TMEM230: variants seen among roughly 807,000 people sequenced by gnomAD.
TMEM230 encodes transmembrane protein 230.
TMEM230 carries 10 observed loss-of-function variants against 15.8 expected under a neutral mutation model. The ratio of observed to expected loss-of-function variants is 0.63; its 90% CI spans 0.39 to 1.07. The LOEUF is 1.07. TMEM230 is among the 50% of genes least tolerant of loss of function. The probability of loss-of-function intolerance (pLI) is 0.01; values close to 1 mark genes in which losing one functional copy is unlikely to be tolerated. For synonymous variants in TMEM230, 67 were observed against 76.9 expected (o/e 0.87, Z 0.68); for missense variants, 165 against 193.3 (o/e 0.85, Z 0.87).
the TMEM230 span, chr20:5,060,894 A>C: frequency 6.6e-6 from 1 of 152,130 alleles, no homozygotes; most frequent in African/African-American, 2.4e-5. Flanking sequence ...CTTCAGTTTT[A>C]CTGATAATAC....
chr20:5,098,210 G>A (rs1314553681), downstream of TMEM230, among the ~76,000 whole-genome samples: 2 of 151,360 alleles, frequency 1.3e-5, no homozygotes, highest in Non-Finnish European at 2.9e-5. Context: ...CCCAAACTCA[G>A]GTGATCCGCC....
chr20:5,069,662 C>A (rs1261917353), intron 3 of TMEM230, among the ~76,000 whole-genome samples: 1 of 152,062 alleles, frequency 6.6e-6, no homozygotes, highest in Non-Finnish European at 1.5e-5. Context: ...CCTTTCCTCT[C>A]CCCTTTCCTT....
intron 4 of TMEM230, among the ~76,000 whole-genome samples, chr20:5,103,073 T>C (rs1181304921): frequency 6.6e-6 from 1 of 152,170 alleles, no homozygotes; most frequent in Non-Finnish European, 1.5e-5. Context: ...TTTGATAAAA[T>C]TCTACATCCA....
At chr20:5,102,901 T>C (rs185991379) in intron 4 of TMEM230, among the ~76,000 whole-genome samples, 8 of 152,212 alleles carry the variant, frequency 5.3e-5, no homozygotes, top group African/African-American at 1.9e-4. Flanking sequence ...GCAAACTGAA[T>C]TCAACAATAC....
downstream of TMEM230, chr20:5,066,124 G>C (rs1365671459): frequency 6.6e-6 from 1 of 152,292 alleles, no homozygotes; most frequent in African/African-American, 2.4e-5. Context: ...GTCAAGGCCA[G>C]TAAACCACGT....
intron 3 of TMEM230, among the ~76,000 whole-genome samples, chr20:5,078,254 C>G (rs1600287148): frequency 1.3e-5 from 2 of 152,144 alleles, no homozygotes; most frequent in Non-Finnish European, 2.9e-5. Context: ...AGTTTTTAAT[C>G]AGTTTTTAAA....
At chr20:5,097,314 C>T (rs1044946733), downstream of TMEM230, among the ~76,000 whole-genome samples, 11 of 152,122 alleles carry the variant, frequency 7.2e-5, no homozygotes, top group African/African-American at 2.2e-4. Context: ...AGAGTGGCAA[C>T]GGATCTGAAA....
rs573824586 is a variant in TMEM230 at position 5,086,122 on chromosome 20, C to T, written c.223-16773G>A. On this transcript the variant is annotated intron_variant, in intron 3 of 3. Transcript: ENST00000612323. ...AAGGGTTTTAATATGCAGCTGGGTG[C>T]GGTGGCTCGTGCCTGTAATCCCAGC... Among the ~76,000 whole-genome samples, 75 of 151,592 alleles carry T rather than the reference C, an allele frequency of 4.9e-4. No homozygotes were observed. The Middle Eastern group carries it at 0.01, about 21-fold the overall frequency.
At chr20:5,094,061 C>A (rs536394255) in intron 3 of TMEM230, among the ~76,000 whole-genome samples, 2 of 151,184 alleles carry the variant, frequency 1.3e-5, no homozygotes, top group African/African-American at 4.9e-5. Flanking sequence ...CGGGTTCAAG[C>A]GATTCTCCTG....
the TMEM230 span, chr20:5,061,450 C>A: frequency 6.6e-6 from 1 of 152,282 alleles, no homozygotes; most frequent in Non-Finnish European, 1.5e-5. Flanking sequence ...TGAGTCACAT[C>A]CTGCATTCTC....
intron 2 of TMEM230, 38 bp from the exon 2 acceptor site, chr20:5,109,483 G>A (rs750496752): frequency 1.4e-6 from 2 of 1,462,156 alleles, no homozygotes; most frequent in East Asian, 2.3e-5. Flanking sequence ...ATTGTCTGTA[G>A]ATGACAATGG....
chr20:5,080,185 GCT>G (rs373223776), intron 3 of TMEM230, among the ~76,000 whole-genome samples: 1 of 152,228 alleles, frequency 6.6e-6, no homozygotes, highest in East Asian at 1.9e-4. Context: ...CTGCTGCTAA[GCT>G]CTCTTATTAG....
chr20:5,093,693 T>C (rs1251859772), intron 3 of TMEM230, among the ~76,000 whole-genome samples: 6 of 151,956 alleles, frequency 3.9e-5, no homozygotes, highest in Admixed American at 6.6e-5. Context: ...TACACCACCA[T>C]GCCTGGCTGA....
At chr20:5,105,219 GAGTTTGCAGTGAGCTGA>G (rs1177421559) in intron 4 of TMEM230, among the ~76,000 whole-genome samples, 1 of 152,178 alleles carries the variant, frequency 6.6e-6, no homozygotes, top group East Asian at 1.9e-4. Flanking sequence ...CCACGAGCCG[GAGTTTGCAGTGAGCTGA>G]GATCCTGCCA....
chr20:5,102,964 G>A lies in TMEM230; in HGVS notation c.412-2033C>T, dbSNP rs2089931314. Among the ~76,000 whole-genome samples the A allele has an allele frequency of 2.0e-5, 3 of 152,310 alleles. No homozygotes were observed. In the South Asian group the frequency reaches 6.2e-4, roughly 32 times the overall value. ...GTGGGATTTATCCCAGAGAGGCAAG[G>A]ATGGTTCAACTTATACAAACCAATC... On this transcript the variant is annotated intron_variant, in intron 4 of 4. Transcript: ENST00000342308.
downstream of TMEM230, among the ~76,000 whole-genome samples, chr20:5,099,172 T>C (rs557510013): frequency 3.6e-4 from 54 of 151,630 alleles, 1 homozygote; most frequent in Non-Finnish European, 7.4e-4. Flanking sequence ...GCCTGGGCAG[T>C]AGAGCAAGAC....
chr20:5,102,289 A>G (rs1186403959), intron 4 of TMEM230, among the ~76,000 whole-genome samples: 1 of 152,252 alleles, frequency 6.6e-6, no homozygotes, highest in Non-Finnish European at 1.5e-5. Flanking sequence ...AAAAAAATCT[A>G]AAACCTGAAT....
intron 3 of TMEM230, among the ~76,000 whole-genome samples, chr20:5,088,050 T>C (rs1297063790): frequency 6.9e-6 from 1 of 144,826 alleles, no homozygotes; most frequent in Non-Finnish European, 1.5e-5. Flanking sequence ...GGCTCACGCC[T>C]GTAATCCCAG....
At chr20:5,089,382 A>G (rs990284452) in intron 3 of TMEM230, among the ~76,000 whole-genome samples, 1 of 150,794 alleles carries the variant, frequency 6.6e-6, no homozygotes, top group Non-Finnish European at 1.5e-5. Context: ...TCCAAAAAAA[A>G]AAAGAAAAGA....
Sources: allele counts gnomAD v4.1 joint callset (sites outside exome capture counted in the v4.1 genomes callset), GRCh38; gene constraint gnomAD v4.1.1; transcripts MANE v1.5; gene names NCBI Gene and HGNC (gene_info 2026-07-23, HGNC 2026-07-21).